The following CABCOCO1 variants were observed in gnomAD, a reference collection of about 807,000 sequenced individuals.
The protein encoded by CABCOCO1 is ciliary associated calcium binding coiled-coil 1.
A neutral mutation model predicts 35.7 loss-of-function variants in CABCOCO1; 28 were observed. The observed-to-expected ratio is 0.78, with a 90% confidence interval of 0.58 to 1.07. The LOEUF is 1.07. Ranked by LOEUF, CABCOCO1 falls within the 50% of genes least tolerant of loss-of-function variation. CABCOCO1 has a pLI of 0.00. For missense variants in CABCOCO1, 326 were observed against 309.2 expected, an observed-to-expected ratio of 1.05 and a Z score of -0.41; for synonymous variants, 95 against 100.1, an observed-to-expected ratio of 0.95 and a Z score of 0.30.
At chr10:61,672,473 C>T (rs1839390380) in intron 1 of CABCOCO1, among the ~76,000 whole-genome samples, 159 bp from the exon 2 acceptor site, 1 of 152,182 alleles carries the variant, frequency 6.6e-6, no homozygotes, top group African/African-American at 2.4e-5. Flanking sequence ...GGTACCGTTG[C>T]ATAATATGGA....
chr10:61,728,023 G>T (rs111231526), intron 5 of CABCOCO1, among the ~76,000 whole-genome samples: 1 of 152,074 alleles, frequency 6.6e-6, no homozygotes, highest in East Asian at 1.9e-4. Flanking sequence ...ATTTCTAGAC[G>T]CTTAAAACCT....
At chr10:61,680,821 C>T (rs71490864) in intron 2 of CABCOCO1, among the ~76,000 whole-genome samples, 18,018 of 141,682 alleles carry the variant, frequency 0.13, 1,491 homozygotes, top group East Asian at 0.23. Context: ...TGAAAAAAGA[C>T]GTTGAATTTC....
intron 5 of CABCOCO1, 140 bp downstream of exon 5, chr10:61,690,761 A>G (rs781389448): frequency 3.7e-6 from 2 of 546,132 alleles, no homozygotes; most frequent in East Asian, 3.0e-5. Context: ...AGTTTGCAAA[A>G]AGAATAATTA....
intron 6 of CABCOCO1, 59 bp from the exon 7 acceptor site, chr10:61,760,804 A>G: frequency 2.6e-6 from 4 of 1,532,656 alleles, no homozygotes; most frequent in African/African-American, 1.4e-5. Context: ...TTTAGGTTCC[A>G]TATAAATCAC....
At chr10:61,679,892 T>A (rs1050457429) in intron 2 of CABCOCO1, among the ~76,000 whole-genome samples, 4 of 151,486 alleles carry the variant, frequency 2.6e-5, no homozygotes, top group Non-Finnish European at 2.9e-5. Flanking sequence ...GATAAAGAAA[T>A]AAAAGATTAT....
At chr10:61,738,214 A>C (rs539720136) in intron 5 of CABCOCO1, among the ~76,000 whole-genome samples, 1 of 152,240 alleles carries the variant, frequency 6.6e-6, no homozygotes, top group Admixed American at 6.5e-5. Context: ...ACTGTGTATA[A>C]TTTGCCAGCA....
chr10:61,750,865 G>A (rs760595933), intron 5 of CABCOCO1, among the ~76,000 whole-genome samples: 33 of 152,166 alleles, frequency 2.2e-4, no homozygotes, highest in Non-Finnish European at 3.2e-4. Flanking sequence ...AATGCCCCCC[G>A]TGTATAAAGG....
chr10:61,760,479 T>G (rs759766948), intron 6 of CABCOCO1, among the ~76,000 whole-genome samples: 20 of 151,998 alleles, frequency 1.3e-4, no homozygotes, highest in Non-Finnish European at 2.6e-4. Flanking sequence ...CAGAGTAACA[T>G]CATATCAAAA....
chr10:61,761,020 G>A lies in CABCOCO1; in HGVS notation c.816+17G>A. ...GGCATTCAGGTACTCAGTATTGATA[G>A]TATGCTCACTTACTTTATTACTGGT... On this transcript the variant is annotated intron_variant, in intron 7 of 7. Transcript: ENST00000648843. 6.2e-7 allele frequency: 1 copy of A among 1,609,900 alleles called. No homozygotes were observed. The highest frequency in any genetic ancestry group is 8.5e-7 in the Non-Finnish European group (1 of 1,177,932).
chr10:61,678,421 A>G (rs768810823), intron 2 of CABCOCO1, among the ~76,000 whole-genome samples: 1 of 152,170 alleles, frequency 6.6e-6, no homozygotes, highest in Non-Finnish European at 1.5e-5. Flanking sequence ...CACCACCATC[A>G]TCAGGATGTC....
In CABCOCO1 at chr10:61,681,153, A is replaced by G. The variant is rs1363052134; in HGVS notation, c.175A>G (p.Ile59Val). 2.8e-6 allele frequency: 4 copies of G among 1,449,106 alleles called. No individual in the cohort carries two copies. Among genetic ancestry groups the G allele is most frequent in the Non-Finnish European group, 2.8e-6 (3 of 1,080,856 alleles). 89.8% of individuals were successfully genotyped at this position (1,449,106 alleles called of 1,614,324 possible). ...TGTTTTATTTTACAGAAAACTGAGA[A>G]TATTTTTGAATTTCAAAAACCTTGA... is the stretch of plus-strand genomic sequence containing the variant. ...DIDGVQEKLRIFLNFKNLETC... is the reference protein window; with the variant it reads ...DIDGVQEKLRVFLNFKNLETC... The change falls in exon 3 of 8, where the codon ATA becomes GTA. Residue 59 changes from isoleucine (I) to valine (V), a missense_variant. Transcript: ENST00000648843.
intron 5 of CABCOCO1, among the ~76,000 whole-genome samples, chr10:61,729,908 T>C (rs533891006): frequency 2.8e-4 from 42 of 152,144 alleles, no homozygotes; most frequent in African/African-American, 1.0e-3. Flanking sequence ...TTATCTAAAA[T>C]AGAGGCCAGC....
At chr10:61,706,763 AG>A in intron 5 of CABCOCO1, among the ~76,000 whole-genome samples, 1 of 152,022 alleles carries the variant, frequency 6.6e-6, no homozygotes, top group Middle Eastern at 3.4e-3. Flanking sequence ...GAGGCTGGGG[AG>A]GTTTCATTCC....
intron 5 of CABCOCO1, among the ~76,000 whole-genome samples, chr10:61,697,502 A>T (rs1417774128): frequency 2.0e-5 from 3 of 152,122 alleles, no homozygotes; most frequent in Non-Finnish European, 4.4e-5. Flanking sequence ...ATATGTAGAC[A>T]TGTATATGCA....
rs148340898 is a variant in CABCOCO1 at position 61,744,801 on chromosome 10, T to C, written c.553-15258T>C. 7.2e-5 allele frequency among the ~76,000 whole-genome samples: 11 copies of C among 152,256 alleles called. No homozygotes were observed. In the South Asian group the frequency reaches 1.2e-3, roughly 17 times the overall value. The stretch of plus-strand genomic sequence containing the variant: ...TACCTAAGAAAAATGGCAAACACCA[T>C]AGAGGTCTAAGTAAGAGAATTAAGT... On this transcript the variant is annotated intron_variant, in intron 5 of 7. Transcript: ENST00000648843.
At chr10:61,743,197 G>C (rs1489506452) in intron 5 of CABCOCO1, among the ~76,000 whole-genome samples, 5 of 152,106 alleles carry the variant, frequency 3.3e-5, no homozygotes, top group Admixed American at 2.0e-4. Flanking sequence ...GAAATATATT[G>C]TCCTAACTTT....
At chr10:61,734,036 T>C (rs1841361820) in intron 5 of CABCOCO1, among the ~76,000 whole-genome samples, 1 of 152,104 alleles carries the variant, frequency 6.6e-6, no homozygotes, top group South Asian at 2.1e-4. Flanking sequence ...TTCAAACTGT[T>C]ATACTTCCCC....
chr10:61,747,463 A>G (rs1304961784), intron 5 of CABCOCO1, among the ~76,000 whole-genome samples: 1 of 152,128 alleles, frequency 6.6e-6, no homozygotes, highest in Non-Finnish European at 1.5e-5. Context: ...GGCAATGACG[A>G]TAATCATTTG....
At chr10:61,689,423 T>C (rs1320669731) in intron 4 of CABCOCO1, among the ~76,000 whole-genome samples, 1 of 152,118 alleles carries the variant, frequency 6.6e-6, no homozygotes, top group Non-Finnish European at 1.5e-5. Context: ...GAGGTTTTTT[T>C]CCCCCAAAAT....
Sources: allele counts gnomAD v4.1 joint callset (sites outside exome capture counted in the v4.1 genomes callset), GRCh38; gene constraint gnomAD v4.1.1; transcripts MANE v1.5; gene names NCBI Gene and HGNC (gene_info 2026-07-23, HGNC 2026-07-21).